The following CACNB2 variants were observed in gnomAD, a reference collection of about 807,000 sequenced individuals.
CACNB2 encodes voltage-dependent L-type calcium channel subunit beta-2.
Under a neutral mutation model 73.3 loss-of-function variants are expected in CACNB2, and 42 were observed. The observed-to-expected ratio is 0.57, with a 90% CI of 0.45 to 0.74. The LOEUF is 0.74. Among genes scored for constraint, CACNB2 ranks in the 30% least tolerant of loss-of-function variants. The pLI is 0.00. For synonymous variants in CACNB2, 348 were observed against 310.3 expected (o/e 1.12, Z -1.28); for missense variants, 940 against 853.0 (o/e 1.10, Z -1.27).
intron 2 of CACNB2, among the ~76,000 whole-genome samples, chr10:18,393,218 C>T (rs947849062): frequency 6.7e-6 from 1 of 149,274 alleles, no homozygotes; most frequent in African/African-American, 2.5e-5. Context: ...AAAATCATGT[C>T]ATCTGTCATC....
At chr10:18,223,153 C>T (rs979492239) in intron 2 of CACNB2, among the ~76,000 whole-genome samples, 1 of 152,124 alleles carries the variant, frequency 6.6e-6, no homozygotes, top group African/African-American at 2.4e-5. Flanking sequence ...TTGAGCATTG[C>T]TAATTTTGCT....
chr10:18,280,433 G>A (rs1397923703), intron 2 of CACNB2, among the ~76,000 whole-genome samples: 1 of 152,112 alleles, frequency 6.6e-6, no homozygotes, highest in African/African-American at 2.4e-5. Flanking sequence ...CGTTGAGCCT[G>A]GTCCTAAAGT....
At chr10:18,475,032 C>G (rs1406619967) in intron 3 of CACNB2, among the ~76,000 whole-genome samples, 1 of 150,046 alleles carries the variant, frequency 6.7e-6, no homozygotes, top group Non-Finnish European at 1.5e-5. Flanking sequence ...TAGAAGGGCT[C>G]ATAAAACTCA....
At chr10:18,249,771 C>G (rs2037014952) in intron 2 of CACNB2, among the ~76,000 whole-genome samples, 1 of 152,182 alleles carries the variant, frequency 6.6e-6, no homozygotes, top group Non-Finnish European at 1.5e-5. Context: ...GTTTATTTCT[C>G]TACTCACACC....
chr10:18,446,162 G>A (rs1353418817), intron 3 of CACNB2, among the ~76,000 whole-genome samples: 1 of 152,158 alleles, frequency 6.6e-6, no homozygotes, highest in African/African-American at 2.4e-5. Context: ...TCAGATGAGA[G>A]GAAATTTAAG....
At chr10:18,536,989 T>C (rs1160914186) in intron 12 of CACNB2, among the ~76,000 whole-genome samples, 2 of 152,274 alleles carry the variant, frequency 1.3e-5, no homozygotes, top group Non-Finnish European at 1.5e-5. Context: ...AGAGCTTTCC[T>C]AGGTTTAGTT....
chr10:18,245,936 G>A (rs907056028), intron 2 of CACNB2, among the ~76,000 whole-genome samples: 2 of 152,200 alleles, frequency 1.3e-5, no homozygotes, highest in African/African-American at 4.8e-5. Context: ...GCATCAGTGG[G>A]TAGGTGCTGG....
chr10:18,501,082 C>G (rs559202872), intron 5 of CACNB2, 134 bp downstream of exon 5: 21 of 898,522 alleles, frequency 2.3e-5, no homozygotes, highest in Middle Eastern at 2.5e-4. Flanking sequence ...GATAGCATCA[C>G]AAATCTTGCA....
chr10:18,514,130 T>C (rs539496999), intron 6 of CACNB2, 106 bp from the exon 7 acceptor site: 3 of 1,178,534 alleles, frequency 2.5e-6, no homozygotes, highest in Admixed American at 1.7e-5. Context: ...TGAGCACTCA[T>C]GATAGTTTTT....
chr10:18,155,049 C>G (rs867184972), intron 2 of CACNB2, among the ~76,000 whole-genome samples: 2 of 152,262 alleles, frequency 1.3e-5, no homozygotes, highest in Middle Eastern at 6.8e-3. Flanking sequence ...TTAAAATCAA[C>G]CTTCTTATTG....
intron 2 of CACNB2, among the ~76,000 whole-genome samples, chr10:18,203,742 CT>C (rs1307480335): frequency 6.6e-6 from 1 of 151,930 alleles, no homozygotes; most frequent in Non-Finnish European, 1.5e-5. Context: ...TTTCCCTCTG[CT>C]TTTTGCTAGT....
intron 2 of CACNB2, among the ~76,000 whole-genome samples, chr10:18,269,504 T>G (rs917603112): frequency 2.0e-5 from 3 of 152,294 alleles, no homozygotes; most frequent in Admixed American, 6.5e-5. Flanking sequence ...AACATAACAT[T>G]TGAGGAATGC....
chr10:18,517,194 CAA>C (rs1358981025), intron 7 of CACNB2, among the ~76,000 whole-genome samples: 1 of 152,096 alleles, frequency 6.6e-6, no homozygotes, highest in East Asian at 1.9e-4. Context: ...GTGTGATTCT[CAA>C]GTTATATTTT....
At chr10:18,526,761 TTTA>T (rs1489044222) in intron 9 of CACNB2, among the ~76,000 whole-genome samples, 1 of 152,230 alleles carries the variant, frequency 6.6e-6, no homozygotes, top group Non-Finnish European at 1.5e-5. Flanking sequence ...ATTATTTTCC[TTTA>T]TTATTTATCT....
At chr10:18,401,819 GA>G in intron 2 of CACNB2, 104 bp from the exon 3 acceptor site, 2 of 1,134,584 alleles carry the variant, frequency 1.8e-6, no homozygotes, top group Non-Finnish European at 2.7e-6. Flanking sequence ...CTCTTTTCAG[GA>G]AAGTATAGAA....
At chr10:18,442,998 G>A (rs60176623) in intron 3 of CACNB2, among the ~76,000 whole-genome samples, 2,854 of 8,298 alleles carry the variant, frequency 0.34, 378 homozygotes, top group South Asian at 0.42. Context: ...ATATATATAT[G>A]TGTATATATA....
chr10:18,348,108 G>A (rs1263913200), intron 2 of CACNB2, among the ~76,000 whole-genome samples: 1 of 152,152 alleles, frequency 6.6e-6, no homozygotes, highest in Non-Finnish European at 1.5e-5. Flanking sequence ...GTACTATCTA[G>A]GTGAAGTTAA....
At chr10:18,347,754 A>T (rs1342021221) in intron 2 of CACNB2, among the ~76,000 whole-genome samples, 1 of 152,170 alleles carries the variant, frequency 6.6e-6, no homozygotes, top group Non-Finnish European at 1.5e-5. Flanking sequence ...CATGTTTCTA[A>T]CAACACAGGT....
At chr10:18,530,198 T>C (rs1038968864) in intron 10 of CACNB2, among the ~76,000 whole-genome samples, 2 of 152,058 alleles carry the variant, frequency 1.3e-5, no homozygotes, top group Admixed American at 1.3e-4. Flanking sequence ...AGCCAAACCA[T>C]GTCATTATTC....
Sources: allele counts gnomAD v4.1 joint callset (sites outside exome capture counted in the v4.1 genomes callset), GRCh38; gene constraint gnomAD v4.1.1; transcripts MANE v1.5; gene names NCBI Gene and HGNC (gene_info 2026-07-23, HGNC 2026-07-21).